The following KALRN variants were observed in gnomAD, a reference collection of about 807,000 sequenced individuals.
KALRN encodes the protein kalirin.
KALRN carries 70 observed loss-of-function variants against 353.7 expected under a neutral mutation model. That is an observed-to-expected ratio of 0.20 (90% CI 0.16 to 0.24). The LOEUF is 0.24. Among genes scored for constraint, KALRN ranks in the 10% least tolerant of loss-of-function variants. The pLI, the probability that KALRN is intolerant of heterozygous loss-of-function variation, is 1.00. For synonymous variants in KALRN, 1,391 were observed against 1,434.8 expected (o/e 0.97, Z 0.69); for missense variants, 2,791 against 3,756.7 (o/e 0.74, Z 6.72).
At chr3:124,604,579 A>G (rs771043281) in intron 34 of KALRN, among the ~76,000 whole-genome samples, 11 of 152,240 alleles carry the variant, frequency 7.2e-5, no homozygotes, top group Non-Finnish European at 1.6e-4. Flanking sequence ...AAGGGGAATA[A>G]TAGTGATTAC....
At chr3:124,384,718 C>T in intron 10 of KALRN, 127 bp from the exon 11 acceptor site, 1 of 905,962 alleles carries the variant, frequency 1.1e-6, no homozygotes, top group Admixed American at 2.8e-5. Flanking sequence ...CACCGCGCCT[C>T]AGTGCCAGAT....
chr3:124,126,141 T>C (rs1479606257), intron 1 of KALRN, among the ~76,000 whole-genome samples: 2 of 152,168 alleles, frequency 1.3e-5, no homozygotes, highest in Non-Finnish European at 2.9e-5. Context: ...TGGCCAAGAA[T>C]TGGGAGAGAT....
At chr3:124,064,280 A>T (rs2042184384) in intron 1 of KALRN, among the ~76,000 whole-genome samples, 1 of 152,034 alleles carries the variant, frequency 6.6e-6, no homozygotes, top group African/African-American at 2.4e-5. Flanking sequence ...TTAAAGAACA[A>T]GTAGGAGTTT....
rs573247001 is a variant in KALRN at position 124,377,340 on chromosome 3, A to G, written c.1771-7505A>G. 2.3e-4 allele frequency among the ~76,000 whole-genome samples: 35 copies of G among 152,292 alleles called. No individual in the cohort carries two copies. In the East Asian group the frequency reaches 4.8e-3, roughly 21 times the overall value. On this transcript the variant is annotated intron_variant, in intron 10 of 59. Coordinates refer to ENST00000682506, the MANE Select transcript of KALRN (RefSeq NM_001388419.1). ...TTAGATATGTGTTATTTAGTTTCCA[A>G]TAATTTGTGAGTATTCTGGTAATAT... is the stretch of plus-strand genomic sequence containing the variant.
chr3:124,350,079 T>G (rs2082688632), intron 10 of KALRN, among the ~76,000 whole-genome samples: 1 of 152,332 alleles, frequency 6.6e-6, no homozygotes, highest in East Asian at 1.9e-4. Flanking sequence ...TCAATCTTCC[T>G]TGCCCTCTGC....
intron 34 of KALRN, among the ~76,000 whole-genome samples, chr3:124,594,615 A>G (rs1483416774): frequency 6.6e-6 from 1 of 152,250 alleles, no homozygotes; most frequent in African/African-American, 2.4e-5. Context: ...ATAATGGTTA[A>G]GAGTTCGGTG....
At chr3:124,561,791 C>T (rs778120998) in intron 33 of KALRN, among the ~76,000 whole-genome samples, 2 of 152,174 alleles carry the variant, frequency 1.3e-5, no homozygotes, top group Non-Finnish European at 1.5e-5. Context: ...GCCTCAGCCT[C>T]CTCATTCCTT....
At chr3:124,134,169 G>T (rs2065648050) in intron 1 of KALRN, among the ~76,000 whole-genome samples, 1 of 152,128 alleles carries the variant, frequency 6.6e-6, no homozygotes, top group Non-Finnish European at 1.5e-5. Context: ...CGTGATACTG[G>T]CATAAAAATA....
Position 124,725,892 on chromosome 3 carries a change from C to T in KALRN, c.*6422C>T, listed in dbSNP as rs1164003862. ...ACAAAGGGCCTTATTCATAAGTGGA[C>T]AGGTTTCCCCATAGGGACCATCGCA... is the stretch of plus-strand genomic sequence containing the variant. On this transcript the variant is annotated 3_prime_UTR_variant, in exon 60 of 60. Transcript: ENST00000682506. 1 of 152,154 alleles carries T rather than the reference C, an allele frequency of 6.6e-6. No homozygotes were observed. The highest frequency in any genetic ancestry group is 6.5e-5 in the Admixed American group (1 of 15,272). 9.4% of individuals were successfully genotyped at this position (152,154 alleles called of 1,614,324 possible). A position where few individuals can be genotyped will look rare whatever the true frequency, so the allele number is the denominator to read the frequency against.
chr3:124,510,705 T>C (rs1444803007), intron 33 of KALRN, among the ~76,000 whole-genome samples: 3 of 152,186 alleles, frequency 2.0e-5, no homozygotes, highest in Non-Finnish European at 4.4e-5. Flanking sequence ...CTTCTCTTTC[T>C]CATATTGTCA....
chr3:124,361,022 G>A (rs754987760), intron 10 of KALRN, among the ~76,000 whole-genome samples: 9 of 152,144 alleles, frequency 5.9e-5, no homozygotes, highest in Admixed American at 3.3e-4. Context: ...TTGAAGGCAC[G>A]CTTTTACAAG....
At position 124,384,942 on chromosome 3, in the gene KALRN, A is replaced by C. The variant is rs1039448876; in HGVS notation, c.1868A>C (p.His623Pro). The change falls in exon 11 of 60, where the codon CAC becomes CCC. Residue 623 changes from histidine (H) to proline (P), a missense_variant. Transcript: ENST00000682506. ...GAGGAGATCTACAAGGCAGCTCGAC[A>C]CCTGGAGGTGCGCATCCAAGACTTC... Reference protein sequence around the residue: ...DPEEIYKAARHLEVRIQDFVR... With the variant: ...DPEEIYKAARPLEVRIQDFVR... 1.2e-6 allele frequency: 2 copies of C among 1,614,126 alleles called. No homozygotes were observed. Among genetic ancestry groups the C allele is most frequent in the Non-Finnish European group, 1.7e-6 (2 of 1,180,000 alleles).
intron 1 of KALRN, among the ~76,000 whole-genome samples, chr3:124,205,429 G>A (rs943917529): frequency 6.6e-6 from 1 of 152,148 alleles, no homozygotes; most frequent in Non-Finnish European, 1.5e-5. Flanking sequence ...GTGACCTTGG[G>A]CAAATCATTT....
Position 124,334,232 on chromosome 3 carries a change from T to G in KALRN, c.1417-33T>G. The G allele has an allele frequency of 6.3e-7, 1 of 1,578,340 alleles. No individual in the cohort carries two copies. The highest frequency in any genetic ancestry group is 1.1e-5 in the South Asian group (1 of 90,348). On this transcript the variant is annotated intron_variant, in intron 8 of 59. Transcript: ENST00000682506. The surrounding 1 kb of genome is among the most constrained non-coding windows in gnomAD (Gnocchi z 4.2). ...TCTCTGTGCCCTGCCTATCACCCTT[T>G]TCCCTTAACTTAAACTTCTCTCTTT...
intron 10 of KALRN, among the ~76,000 whole-genome samples, chr3:124,377,359 G>A (rs1054547375): frequency 1.3e-5 from 2 of 152,066 alleles, no homozygotes; most frequent in Non-Finnish European, 2.9e-5. Context: ...GAGTATTCTG[G>A]TAATATTTCT....
intron 5 of KALRN, among the ~76,000 whole-genome samples, chr3:124,296,693 C>G (rs1194403740): frequency 1.3e-5 from 2 of 152,388 alleles, no homozygotes; most frequent in South Asian, 2.1e-4. Flanking sequence ...GTCTGTCCCA[C>G]CTGCCTCCCC....
intron 33 of KALRN, chr3:124,505,045 C>A (rs1172893167): frequency 2.1e-6 from 1 of 467,660 alleles, no homozygotes; most frequent in Non-Finnish European, 4.4e-6. Flanking sequence ...TTGGAGCCTG[C>A]AGGTAGAGAA....
intron 1 of KALRN, among the ~76,000 whole-genome samples, chr3:124,088,745 T>G (rs114314402): frequency 1.3e-3 from 194 of 152,322 alleles, no homozygotes; most frequent in African/African-American, 4.6e-3. Flanking sequence ...GGCTTGCAAA[T>G]TAATGGTACA....
At chr3:124,660,051 C>A (rs1031349078) in intron 43 of KALRN, among the ~76,000 whole-genome samples, 4 of 151,972 alleles carry the variant, frequency 2.6e-5, no homozygotes, top group African/African-American at 9.7e-5. Context: ...CCCTTCTCAG[C>A]CTCCCAAGTA....
Sources: gnomAD v4.1 joint callset for allele counts (sites outside exome capture counted in the v4.1 genomes callset) on GRCh38, gnomAD v4.1.1 for gene constraint, Gnocchi (gnomAD v3.1) non-coding constraint, MANE v1.5 for transcripts, NCBI Gene and HGNC (gene_info 2026-07-23, HGNC 2026-07-21) for gene names.